The following KLF17 variants were observed in gnomAD, a reference collection of about 807,000 sequenced individuals.
KLF17 encodes the protein Krueppel-like factor 17.
In KLF17, 31 loss-of-function variants were observed where a neutral mutation model predicts 34.2. That is an observed-to-expected ratio of 0.91 (90% CI 0.68 to 1.22). The LOEUF is 1.22. Among genes scored for constraint, KLF17 ranks in the 50% most tolerant of loss-of-function variants. The probability of loss-of-function intolerance (pLI) is 0.00; values close to 1 mark genes in which losing one functional copy is unlikely to be tolerated. For synonymous variants in KLF17, 179 were observed against 186.7 expected, an observed-to-expected ratio of 0.96 and a Z score of 0.34; for missense variants, 478 against 505.2, an observed-to-expected ratio of 0.95 and a Z score of 0.52.
chr1:44,102,663 G>A, the KLF17 span, among the ~76,000 whole-genome samples: 4 of 150,980 alleles, frequency 2.6e-5, no homozygotes, highest in African/African-American at 9.8e-5. Context: ...CGAACACCAG[G>A]AGTGAATCCT....
At chr1:44,083,045 A>G in the KLF17 span, among the ~76,000 whole-genome samples, 22 of 150,904 alleles carry the variant, frequency 1.5e-4, no homozygotes, top group Non-Finnish European at 2.8e-4. Flanking sequence ...GAGCTCAAAC[A>G]ATCCTCTCAC....
chr1:44,097,759 A>G, the KLF17 span, among the ~76,000 whole-genome samples: 1 of 152,040 alleles, frequency 6.6e-6, no homozygotes, highest in African/African-American at 2.4e-5. Context: ...GGTTTGTCAT[A>G]TATGATTTTT....
rs1447593450 is a variant in KLF17 at position 44,129,540 on chromosome 1, G to T, written c.269G>T (p.Ser90Ile). The change falls in exon 2 of 4, where the codon AGT (serine) becomes ATT (isoleucine). Residue 90 changes from serine to isoleucine, a missense_variant. Ser to Ile is a moderately radical substitution (Grantham distance 142). Transcript: ENST00000372299. ...QNVNEGGPQF[S>I]MPLPERGMSY... ...GTGAATGAAGGGGGGCCACAGTTCAGTATGCCACTGCCTGAGCGTGGTATG... is the reference window on the plus strand; with the variant it reads ...GTGAATGAAGGGGGGCCACAGTTCATTATGCCACTGCCTGAGCGTGGTATG... The T allele has an allele frequency of 6.2e-7, 1 of 1,613,618 alleles. No individual in the cohort carries two copies. Among genetic ancestry groups the T allele is most frequent in the Non-Finnish European group, 8.5e-7 (1 of 1,179,768 alleles).
At chr1:44,062,773 C>T in the KLF17 span, among the ~76,000 whole-genome samples, 1 of 151,204 alleles carries the variant, frequency 6.6e-6, no homozygotes, top group African/African-American at 2.4e-5. Flanking sequence ...AAACGAGGAA[C>T]CTCTTACATT....
chr1:44,099,989 C>T, the KLF17 span, among the ~76,000 whole-genome samples: 4 of 150,770 alleles, frequency 2.7e-5, no homozygotes, highest in Non-Finnish European at 5.9e-5. Flanking sequence ...GTAATCTCAG[C>T]ACTTTGGGAG....
At chr1:44,058,511 G>A in the KLF17 span, among the ~76,000 whole-genome samples, 4 of 151,802 alleles carry the variant, frequency 2.6e-5, no homozygotes, top group African/African-American at 4.8e-5. Flanking sequence ...GGCTGGTCTC[G>A]AACTCCTAAC....
the KLF17 span, among the ~76,000 whole-genome samples, chr1:44,059,781 T>A: frequency 6.6e-6 from 1 of 151,926 alleles, no homozygotes; most frequent in Non-Finnish European, 1.5e-5. Flanking sequence ...CGTTTCCCTG[T>A]GATACTCTGA....
the KLF17 span, among the ~76,000 whole-genome samples, chr1:44,069,172 T>A: frequency 1.5e-4 from 23 of 152,190 alleles, no homozygotes; most frequent in African/African-American, 4.8e-4. The surrounding 1 kb of genome is among the most constrained non-coding windows in gnomAD (Gnocchi z 4.7). Context: ...AGGAGATGGA[T>A]AGGACACTCC....
At chr1:44,086,797 G>T in the KLF17 span, among the ~76,000 whole-genome samples, 2 of 152,180 alleles carry the variant, frequency 1.3e-5, no homozygotes, top group Admixed American at 6.6e-5. Flanking sequence ...TCTCCTGGTG[G>T]CCTCCATTAG....
At chr1:44,108,385 TCA>T in the KLF17 span, among the ~76,000 whole-genome samples, 1 of 152,204 alleles carries the variant, frequency 6.6e-6, no homozygotes, top group Non-Finnish European at 1.5e-5. Context: ...TCTGATTCTT[TCA>T]GTTTCTGGTT....
the KLF17 span, among the ~76,000 whole-genome samples, chr1:44,078,558 C>A: frequency 0.019 from 2,830 of 152,042 alleles, 75 homozygotes; most frequent in African/African-American, 0.064. Flanking sequence ...CTGCCTCAGC[C>A]CCCTGAGTAG....
intron 1 of KLF17, among the ~76,000 whole-genome samples, chr1:44,125,549 A>C (rs11210968): frequency 0.38 from 58,081 of 151,242 alleles, 11,843 homozygotes; most frequent in African/African-American, 0.54. Flanking sequence ...CTCACTGCAA[A>C]CTCTGTCTCC....
intron 1 of KLF17, among the ~76,000 whole-genome samples, chr1:44,127,692 T>TTCTTTCTC (rs753421834): frequency 2.2e-5 from 2 of 90,134 alleles, no homozygotes; most frequent in African/African-American, 1.1e-4. Flanking sequence ...CTTTCTTTCT[T>TTCTTTCTC]TTTCTTTCTT....
At chr1:44,045,603 C>T in the KLF17 span, among the ~76,000 whole-genome samples, 10 of 152,244 alleles carry the variant, frequency 6.6e-5, no homozygotes, top group African/African-American at 1.9e-4. Context: ...AATTTGGAAA[C>T]GTTGCAAATC....
At chr1:44,050,390 G>A in the KLF17 span, among the ~76,000 whole-genome samples, 2 of 152,158 alleles carry the variant, frequency 1.3e-5, no homozygotes, top group Non-Finnish European at 2.9e-5. Flanking sequence ...TATTGCCATG[G>A]CAACAACTGG....
At chr1:44,104,478 G>T in the KLF17 span, 1 of 781,844 alleles carries the variant, frequency 1.3e-6, no homozygotes, top group Non-Finnish European at 2.3e-6. Context: ...AAACTTGTTG[G>T]TGGGGTTCTT....
chr1:44,118,334 G>A (rs1188978653), upstream of KLF17, among the ~76,000 whole-genome samples: 1 of 152,210 alleles, frequency 6.6e-6, no homozygotes, highest in African/African-American at 2.4e-5. Flanking sequence ...GAATAAACAG[G>A]TTGTGCCATG....
At chr1:44,123,501 GTCTTT>G (rs2087973685) in intron 1 of KLF17, among the ~76,000 whole-genome samples, 1 of 152,238 alleles carries the variant, frequency 6.6e-6, no homozygotes, top group South Asian at 2.1e-4. Flanking sequence ...AATCATTTGA[GTCTTT>G]TCTTTTTCCT....
chr1:44,065,542 C>T, the KLF17 span, among the ~76,000 whole-genome samples: 6 of 150,314 alleles, frequency 4.0e-5, no homozygotes, highest in South Asian at 2.1e-4. Flanking sequence ...CCCGAGTAGA[C>T]GGGATTACAG....
Sources: gnomAD v4.1 joint callset for allele counts (sites outside exome capture counted in the v4.1 genomes callset) on GRCh38, gnomAD v4.1.1 for gene constraint, Gnocchi (gnomAD v3.1) non-coding constraint, MANE v1.5 for transcripts, NCBI Gene and HGNC (gene_info 2026-07-23, HGNC 2026-07-21) for gene names.